Variants in TTC29 observed in about 807,000 individuals in gnomAD.
TTC29 encodes tetratricopeptide repeat protein 29.
A neutral mutation model predicts 58.1 loss-of-function variants in TTC29; 49 were observed. That is an observed-to-expected ratio of 0.84 (90% CI 0.67 to 1.07). The LOEUF is 1.07. Ranked by LOEUF, TTC29 falls within the 50% of genes least tolerant of loss-of-function variation. TTC29 has a pLI of 0.00. For missense variants in TTC29, 582 were observed against 555.6 expected (o/e 1.05, Z -0.48); for synonymous variants, 209 against 196.8 (o/e 1.06, Z -0.52).
chr4:146,916,536 T>C (rs1734232220), intron 4 of TTC29, among the ~76,000 whole-genome samples: 1 of 151,678 alleles, frequency 6.6e-6, no homozygotes, highest in Non-Finnish European at 1.5e-5. Context: ...GTAAGAAAGA[T>C]TAGTGAGTTA....
At chr4:146,781,456 A>G (rs1748594919) in intron 11 of TTC29, among the ~76,000 whole-genome samples, 1 of 151,944 alleles carries the variant, frequency 6.6e-6, no homozygotes, top group African/African-American at 2.4e-5. Flanking sequence ...CCCAACCCCA[A>G]TATCTCCAAA....
intron 8 of TTC29, among the ~76,000 whole-genome samples, chr4:146,856,254 A>G (rs1328787968): frequency 1.3e-5 from 2 of 152,172 alleles, no homozygotes; most frequent in Non-Finnish European, 2.9e-5. Context: ...AAATGTGAAT[A>G]CCTAGATACA....
At chr4:146,845,012 C>T (rs1461622877) in intron 8 of TTC29, among the ~76,000 whole-genome samples, 1 of 151,384 alleles carries the variant, frequency 6.6e-6, no homozygotes, top group Non-Finnish European at 1.5e-5. Context: ...AAACTCAGCC[C>T]CTCGTCTTCC....
At chr4:146,919,526 A>G (rs2150301405) in intron 4 of TTC29, among the ~76,000 whole-genome samples, 1 of 151,030 alleles carries the variant, frequency 6.6e-6, no homozygotes, top group African/African-American at 2.4e-5. Flanking sequence ...CATCATACTC[A>G]CTCATCAAAT....
intron 10 of TTC29, among the ~76,000 whole-genome samples, chr4:146,816,176 T>C (rs962568300): frequency 3.3e-5 from 5 of 152,206 alleles, no homozygotes; most frequent in African/African-American, 1.2e-4. Context: ...TGGAGGATTC[T>C]GGGTATTTGC....
At chr4:146,912,130 C>G (rs1450600821) in intron 4 of TTC29, among the ~76,000 whole-genome samples, 1 of 152,158 alleles carries the variant, frequency 6.6e-6, no homozygotes, top group Non-Finnish European at 1.5e-5. Context: ...AAAAAAATCT[C>G]ATAGCCTTTT....
At chr4:146,767,557 G>C (rs1747418013) in intron 11 of TTC29, among the ~76,000 whole-genome samples, 1 of 152,020 alleles carries the variant, frequency 6.6e-6, no homozygotes, top group Non-Finnish European at 1.5e-5. Flanking sequence ...TTTGTATAAA[G>C]ATCTATAGGT....
intron 2 of TTC29, among the ~76,000 whole-genome samples, chr4:146,940,981 A>T (rs1243502559): frequency 6.6e-6 from 1 of 152,232 alleles, no homozygotes; most frequent in Non-Finnish European, 1.5e-5. Flanking sequence ...GGGAGATATT[A>T]TTGCAGCCCT....
At chr4:146,800,596 T>C (rs1750148727) in intron 11 of TTC29, among the ~76,000 whole-genome samples, 1 of 152,206 alleles carries the variant, frequency 6.6e-6, no homozygotes, top group South Asian at 2.1e-4. Flanking sequence ...CCTTCATTCA[T>C]GTGATAATTG....
chr4:146,772,601 T>G (rs1337367709), intron 11 of TTC29, among the ~76,000 whole-genome samples: 1 of 152,188 alleles, frequency 6.6e-6, no homozygotes, highest in South Asian at 2.1e-4. Flanking sequence ...TTTGTACCAG[T>G]ACCATGTGAT....
intron 6 of TTC29, among the ~76,000 whole-genome samples, chr4:146,896,692 T>C (rs1561231190): frequency 3.9e-5 from 6 of 152,184 alleles, no homozygotes; most frequent in Admixed American, 2.6e-4. Flanking sequence ...TCTTCTCTCA[T>C]TGTTTTCATT....
intron 4 of TTC29, among the ~76,000 whole-genome samples, chr4:146,926,890 C>T (rs575432363): frequency 2.0e-5 from 3 of 152,084 alleles, no homozygotes; most frequent in African/African-American, 7.2e-5. Flanking sequence ...TTCAAAGACT[C>T]CAGTCTAGAG....
At chr4:146,854,557 C>T (rs1729716521) in intron 8 of TTC29, among the ~76,000 whole-genome samples, 2 of 152,134 alleles carry the variant, frequency 1.3e-5, no homozygotes, top group South Asian at 4.1e-4. Context: ...TCTCCTTCAT[C>T]CTCCGTCCTC....
At chr4:146,876,934 C>CAAAAAAAAAAAAAAAAAAAAAAAAAA (rs776037799) in intron 6 of TTC29, among the ~76,000 whole-genome samples, 1 of 59,192 alleles carries the variant, frequency 1.7e-5, no homozygotes, top group Non-Finnish European at 3.1e-5. Flanking sequence ...GACTCCATCT[C>CAAAAAAAAAAAAAAAAAAAAAAAAAA]AAAAAAAAAA....
At chr4:146,719,364 C>G (rs1312898194) in intron 11 of TTC29, among the ~76,000 whole-genome samples, 1 of 152,084 alleles carries the variant, frequency 6.6e-6, no homozygotes, top group Non-Finnish European at 1.5e-5. Flanking sequence ...GAGAGATTAA[C>G]TTGCTGAATC....
intron 4 of TTC29, among the ~76,000 whole-genome samples, chr4:146,932,577 T>C (rs763997878): frequency 6.6e-5 from 10 of 152,100 alleles, no homozygotes; most frequent in Non-Finnish European, 1.3e-4. Flanking sequence ...ATTGTGCAAA[T>C]CCAGAAGGTA....
intron 10 of TTC29, among the ~76,000 whole-genome samples, chr4:146,806,465 G>T (rs1003388268): frequency 2.0e-5 from 3 of 152,124 alleles, no homozygotes; most frequent in African/African-American, 7.2e-5. Context: ...AAGACCCATC[G>T]GTGTGCTTTA....
At chr4:146,734,098 T>C (rs892078906) in intron 11 of TTC29, among the ~76,000 whole-genome samples, 25 of 152,188 alleles carry the variant, frequency 1.6e-4, no homozygotes, top group African/African-American at 6.0e-4. Context: ...CTACATCAAA[T>C]GACTGGTCAG....
At chr4:146,913,936 G>A (rs947614695) in intron 4 of TTC29, among the ~76,000 whole-genome samples, 3 of 152,102 alleles carry the variant, frequency 2.0e-5, no homozygotes, top group African/African-American at 4.8e-5. Flanking sequence ...CTTTACAGAT[G>A]ATGTTACAAA....
Sources: allele counts gnomAD v4.1 joint callset (sites outside exome capture counted in the v4.1 genomes callset), GRCh38; gene constraint gnomAD v4.1.1; transcripts MANE v1.5; gene names NCBI Gene and HGNC (gene_info 2026-07-23, HGNC 2026-07-21).